PSD3: variants seen among roughly 807,000 people sequenced by gnomAD.
PSD3 encodes pleckstrin and Sec7 domain containing 3.
Under a neutral mutation model 105.5 loss-of-function variants are expected in PSD3, and 49 were observed. That is an observed-to-expected ratio of 0.46 (90% CI 0.37 to 0.59). The LOEUF (loss-of-function observed/expected upper bound fraction) is 0.59, where lower values mean the gene tolerates loss of function less well. Among genes scored for constraint, PSD3 ranks in the 20% least tolerant of loss-of-function variants. The probability of loss-of-function intolerance (pLI) is 0.00; values close to 1 mark genes in which losing one functional copy is unlikely to be tolerated. For synonymous variants in PSD3, 557 were observed against 457.8 expected (o/e 1.22, Z -2.77); for missense variants, 1,561 against 1,263.8 (o/e 1.24, Z -3.57).
At chr8:18,854,429 C>A (rs1815840542) in intron 4 of PSD3, 1 of 152,262 alleles carries the variant, frequency 6.6e-6, no homozygotes, top group Admixed American at 6.5e-5. Context: ...ACCTCACAAA[C>A]CTCTAGTTTA....
chr8:19,062,456 A>C (rs1383220725), intron 1 of PSD3, among the ~76,000 whole-genome samples: 1 of 152,230 alleles, frequency 6.6e-6, no homozygotes, highest in African/African-American at 2.4e-5. Flanking sequence ...TGTTCAAGTC[A>C]TGCAGTTAAG....
intron 1 of PSD3, among the ~76,000 whole-genome samples, chr8:18,970,644 T>C (rs547973875): frequency 6.6e-6 from 1 of 152,100 alleles, no homozygotes; most frequent in South Asian, 2.1e-4. Context: ...AGAATTGTCC[T>C]CTGAAAATCA....
At chr8:18,868,230 G>A (rs146816026) in intron 3 of PSD3, among the ~76,000 whole-genome samples, 161 bp from the exon 4 acceptor site, 2 of 152,188 alleles carry the variant, frequency 1.3e-5, no homozygotes, top group South Asian at 2.1e-4. Context: ...ATATAATCAG[G>A]TTGAAAAATT....
chr8:18,975,921 C>A (rs1166913298), intron 1 of PSD3, among the ~76,000 whole-genome samples: 1 of 151,722 alleles, frequency 6.6e-6, no homozygotes, highest in African/African-American at 2.4e-5. Context: ...GATGGTCAAC[C>A]TACTTTTATC....
rs1051518247 is a variant in PSD3 at position 19,006,241 on chromosome 8, C to T, written c.21+7322G>A. ...CCGGGAGGCGGGGGTTGCAGTGAGC[C>T]GAGATCACGCCATTGCACCCCCGGC... On this transcript the variant is annotated intron_variant, in intron 1 of 15. Transcript: ENST00000327040. Among the ~76,000 whole-genome samples the T allele has an allele frequency of 4.8e-5, 7 of 145,808 alleles. 1 individual carries two copies. The highest frequency in any genetic ancestry group is 7.6e-5 in the African/African-American group (3 of 39,616).
chr8:18,995,543 A>T (rs1476342821), intron 1 of PSD3, among the ~76,000 whole-genome samples: 1 of 151,994 alleles, frequency 6.6e-6, no homozygotes, highest in Non-Finnish European at 1.5e-5. Context: ...AGGAAGTATT[A>T]CCCTAAGATC....
At chr8:18,786,060 C>T (rs892730842) in intron 8 of PSD3, among the ~76,000 whole-genome samples, 2 of 152,058 alleles carry the variant, frequency 1.3e-5, no homozygotes, top group African/African-American at 4.8e-5. Flanking sequence ...TATACTTAAA[C>T]TTACAATAAA....
chr8:18,596,625 C>T (rs2717749), intron 12 of PSD3, among the ~76,000 whole-genome samples: 114,353 of 151,834 alleles, frequency 0.75, 43,886 homozygotes, highest in South Asian at 0.89. Flanking sequence ...TAAATAAAAT[C>T]AGAAATGAAA....
At chr8:18,832,569 C>G (rs954706600) in intron 4 of PSD3, among the ~76,000 whole-genome samples, 8 of 152,156 alleles carry the variant, frequency 5.3e-5, no homozygotes, top group African/African-American at 1.9e-4. Flanking sequence ...TAACTGTTAA[C>G]TTAGGAAACA....
At chr8:18,616,424 T>C (rs10107094) in intron 11 of PSD3, among the ~76,000 whole-genome samples, 48,690 of 151,810 alleles carry the variant, frequency 0.32, 8,052 homozygotes, top group Middle Eastern at 0.45. Flanking sequence ...GTATTGATGG[T>C]GGCCAGGCAT....
At chr8:18,652,277 G>A (rs2130839736) in intron 10 of PSD3, among the ~76,000 whole-genome samples, 1 of 152,130 alleles carries the variant, frequency 6.6e-6, no homozygotes, top group Middle Eastern at 3.4e-3. Flanking sequence ...AATTTTTACA[G>A]AAATGGCAGA....
chr8:18,952,433 G>A (rs1045705100), intron 1 of PSD3, among the ~76,000 whole-genome samples: 2 of 152,194 alleles, frequency 1.3e-5, no homozygotes, highest in African/African-American at 4.8e-5. Context: ...GGATTCACAT[G>A]TGAAAGTCAG....
At chr8:18,976,300 T>C (rs1350223445) in intron 1 of PSD3, among the ~76,000 whole-genome samples, 1 of 152,198 alleles carries the variant, frequency 6.6e-6, no homozygotes, top group African/African-American at 2.4e-5. Context: ...AAAGATACAT[T>C]GTATAACCTT....
chr8:18,926,002 T>C (rs1821337863), intron 2 of PSD3, among the ~76,000 whole-genome samples: 3 of 152,222 alleles, frequency 2.0e-5, no homozygotes. Flanking sequence ...AAGCCTACCG[T>C]TGTTTGTTCC....
chr8:18,913,474 C>G (rs961533320), intron 2 of PSD3, among the ~76,000 whole-genome samples: 5 of 152,162 alleles, frequency 3.3e-5, no homozygotes, highest in African/African-American at 7.2e-5. Flanking sequence ...CACCCACAGA[C>G]CCAGAAACCA....
At chr8:18,633,160 T>A (rs1465030754) in intron 10 of PSD3, among the ~76,000 whole-genome samples, 2 of 152,204 alleles carry the variant, frequency 1.3e-5, no homozygotes, top group Non-Finnish European at 2.9e-5. Context: ...TTCATGTTTG[T>A]CTTCTTTCAA....
intron 4 of PSD3, among the ~76,000 whole-genome samples, chr8:18,854,610 A>G (rs1452428335): frequency 6.6e-6 from 1 of 152,228 alleles, no homozygotes; most frequent in Non-Finnish European, 1.5e-5. Flanking sequence ...TTGAACAACT[A>G]TTTTATAGAC....
chr8:18,606,831 GT>G (rs1804874233), intron 11 of PSD3, among the ~76,000 whole-genome samples: 1 of 152,198 alleles, frequency 6.6e-6, no homozygotes, highest in African/African-American at 2.4e-5. Flanking sequence ...CACTCTGAGT[GT>G]TGGGCTAACG....
intron 1 of PSD3, among the ~76,000 whole-genome samples, chr8:19,080,902 A>G (rs903322472): frequency 2.0e-5 from 3 of 152,212 alleles, no homozygotes; most frequent in Admixed American, 1.3e-4. Flanking sequence ...CAAAATATGT[A>G]AAATATGAAG....
Sources: gnomAD v4.1 joint callset for allele counts (sites outside exome capture counted in the v4.1 genomes callset) on GRCh38, gnomAD v4.1.1 for gene constraint, MANE v1.5 for transcripts, NCBI Gene and HGNC (gene_info 2026-07-23, HGNC 2026-07-21) for gene names.